PAXIP1: variants seen among roughly 807,000 people sequenced by gnomAD.
PAXIP1 encodes PAX-interacting protein 1.
Under a neutral mutation model 140.6 loss-of-function variants are expected in PAXIP1, and 19 were observed. The ratio of observed to expected loss-of-function variants is 0.14; its 90% CI spans 0.09 to 0.20. The LOEUF (loss-of-function observed/expected upper bound fraction) is 0.20, where lower values mean the gene tolerates loss of function less well. Ranked by LOEUF, PAXIP1 falls within the 10% of genes least tolerant of loss-of-function variation. The pLI is 1.00. For synonymous variants in PAXIP1, 442 were observed against 444.6 expected, an observed-to-expected ratio of 0.99 and a Z score of 0.07; for missense variants, 920 against 1,208.6, an observed-to-expected ratio of 0.76 and a Z score of 3.54.
rs1563379725 is a variant in PAXIP1 at position 154,977,889 on chromosome 7, T to TCGAACACAGACCA, written c.439-1559_439-1558insTGGTCTGTGTTCG. The stretch of plus-strand genomic sequence containing the variant: ...ATGTATACTTTTATGCTTTTGTTTT[T>TCGAACACAGACCA]AACTTTTTAATGTACATTTTCGAAC... On this transcript the variant is annotated intron_variant, in intron 5 of 20. Coordinates refer to ENST00000404141, the MANE Select transcript of PAXIP1 (RefSeq NM_007349.4). Among the ~76,000 whole-genome samples the TCGAACACAGACCA allele has an allele frequency of 2.6e-3, 357 of 138,728 alleles. 2 individuals are homozygous for TCGAACACAGACCA. The highest frequency in any genetic ancestry group is 0.011 in the African/African-American group (345 of 30,318). 91.0% of individuals were successfully genotyped at this position (138,728 alleles called of 152,430 possible). A position where few individuals can be genotyped will look rare whatever the true frequency, so the allele number is the denominator to read the frequency against.
At chr7:154,996,150 G>A (rs1810599065) in intron 2 of PAXIP1, among the ~76,000 whole-genome samples, 1 of 152,166 alleles carries the variant, frequency 6.6e-6, no homozygotes, top group East Asian at 1.9e-4. Flanking sequence ...ACTATTAGCA[G>A]CAGGATCCAA....
chr7:154,987,029 A>T (rs757188796), intron 4 of PAXIP1, among the ~76,000 whole-genome samples: 10 of 152,236 alleles, frequency 6.6e-5, no homozygotes, highest in Admixed American at 1.3e-4. Context: ...CAGAACACAC[A>T]ATCAAATGAC....
intron 15 of PAXIP1, 151 bp downstream of exon 15, chr7:154,955,378 A>C (rs1392967626): frequency 3.5e-6 from 2 of 576,796 alleles, no homozygotes; most frequent in African/African-American, 3.9e-5. Flanking sequence ...TTATTACTAT[A>C]AATACTACTA....
At chr7:154,978,771 A>T (rs1213568970) in intron 5 of PAXIP1, among the ~76,000 whole-genome samples, 10 of 152,250 alleles carry the variant, frequency 6.6e-5, no homozygotes, top group Admixed American at 5.2e-4. Context: ...ATATGAAAAA[A>T]AGTTATTTTT....
At chr7:154,950,677 C>T (rs761817422) in intron 16 of PAXIP1, 4 of 152,246 alleles carry the variant, frequency 2.6e-5, no homozygotes, top group African/African-American at 9.6e-5. Flanking sequence ...AAAACCTGTA[C>T]ATGGATGTTT....
rs545738048 is a variant in PAXIP1 at position 154,973,226 on chromosome 7, C to G, written c.1074+2470G>C. 7.2e-5 allele frequency among the ~76,000 whole-genome samples: 11 copies of G among 152,282 alleles called. No homozygotes were observed. The South Asian group carries it at 1.7e-3, about 23-fold the overall frequency. On this transcript the variant is annotated intron_variant, in intron 6 of 20. Coordinates refer to ENST00000404141, the MANE Select transcript of PAXIP1 (RefSeq NM_007349.4). This position sits in a 1 kb window ranked among gnomAD's most constrained non-coding sequence, Gnocchi z 4.0. ...CTCAGCCACACATTCCCAACCACCC[C>G]CAAGACCCATGGTCAGTGGCAGGCC...
At chr7:155,002,773 C>A in intron 1 of PAXIP1, 76 bp downstream of exon 1, 1 of 683,660 alleles carries the variant, frequency 1.5e-6, no homozygotes, top group Non-Finnish European at 1.9e-6. Flanking sequence ...GCGGCAGGAG[C>A]GGGGACGGGG....
At chr7:154,971,466 G>A (rs1033667723) in intron 6 of PAXIP1, among the ~76,000 whole-genome samples, 2 of 152,212 alleles carry the variant, frequency 1.3e-5, no homozygotes, top group East Asian at 3.8e-4. Flanking sequence ...AGGCCTGGAT[G>A]GAGAGGAGAA....
intron 3 of PAXIP1, 130 bp from the exon 4 acceptor site, chr7:154,991,199 G>A: frequency 1.8e-6 from 1 of 545,616 alleles, no homozygotes; most frequent in Non-Finnish European, 3.2e-6. Flanking sequence ...GATAGACAAA[G>A]AAGAGTACAG....
Position 154,968,522 on chromosome 7 carries a change from G to A in PAXIP1, c.1679C>T (p.Thr560Met), listed in dbSNP as rs938558453. Residue 560 changes from threonine (T) to methionine (M), a missense_variant, in exon 7 of 21, where the codon ACG becomes ATG. Transcript: ENST00000404141. ...QSQTAPHLSQ[T>M]SQALQHQVPP... The stretch of plus-strand genomic sequence containing the variant: ...AACCTGATGCTGCAGCGCCTGTGAC[G>A]TCTGACTCAAGTGTGGCGCTGTCTG... 7.0e-5 allele frequency: 56 copies of A among 803,208 alleles called. 1 individual carries two copies. In the East Asian group the frequency reaches 1.1e-3, roughly 16 times the overall value. The allele number at this position is 803,208 out of a possible 1,614,324, so 49.8% of individuals were successfully genotyped here. A position where few individuals can be genotyped will look rare whatever the true frequency, so the allele number is the denominator to read the frequency against.
At chr7:155,000,164 A>T (rs1411055451) in intron 1 of PAXIP1, 1 of 152,184 alleles carries the variant, frequency 6.6e-6, no homozygotes, top group Admixed American at 6.6e-5. Context: ...ACCTCAAAAA[A>T]AAATAAAGTC....
chr7:154,983,045 C>T (rs1809914834), intron 5 of PAXIP1, among the ~76,000 whole-genome samples, 174 bp downstream of exon 5: 2 of 152,100 alleles, frequency 1.3e-5, no homozygotes, highest in South Asian at 4.1e-4. Context: ...TTACAATTTA[C>T]AATCATCTCA....
At position 154,954,155 on chromosome 7, in the gene PAXIP1, G is replaced by A. The variant is rs1172927630; in HGVS notation, c.2821+100C>T. 1 of 853,336 alleles carries A rather than the reference G, an allele frequency of 1.2e-6. No homozygotes were observed. The highest frequency in any genetic ancestry group is 1.7e-5 in the African/African-American group (1 of 58,032). The allele number at this position is 853,336 out of a possible 1,614,324, so 52.9% of individuals were successfully genotyped here. Reference sequence around the variant, plus strand: ...AATTTAAATGAATAACTATCACATAGTTTAAAAATTAAATATTTGTTGGGA... The same window carrying A: ...AATTTAAATGAATAACTATCACATAATTTAAAAATTAAATATTTGTTGGGA... On this transcript the variant is annotated intron_variant, in intron 16 of 20. Coordinates refer to ENST00000404141, the MANE Select transcript of PAXIP1 (RefSeq NM_007349.4). The surrounding 1 kb of genome is among the most constrained non-coding windows in gnomAD (Gnocchi z 5.1).
At chr7:155,001,910 T>G (rs1810918982) in intron 1 of PAXIP1, 1 of 152,236 alleles carries the variant, frequency 6.6e-6, no homozygotes, top group South Asian at 2.1e-4. Context: ...CCATCCAAGT[T>G]CATCTGCGAA....
intron 8 of PAXIP1, chr7:154,967,599 AT>A: frequency 1.9e-6 from 1 of 519,690 alleles, no homozygotes; most frequent in Middle Eastern, 5.1e-4. Flanking sequence ...GCTGAAAAAA[AT>A]AAAAAGTCCA....
chr7:154,975,639 T>G, intron 6 of PAXIP1, 57 bp downstream of exon 6: 1 of 1,193,896 alleles, frequency 8.4e-7, no homozygotes, highest in Non-Finnish European at 1.2e-6. Context: ...TGAAATAGAC[T>G]GTGAAATCCA....
chr7:154,944,104 AG>A lies in PAXIP1; in HGVS notation c.*44del, dbSNP rs1563355870. The stretch of plus-strand genomic sequence containing the variant: ...GCAGCTCCTCGCCAGCCAGACAGCC[AG>A]CCCCGCACCGCAGGAGTCGACATGC... On this transcript the variant is annotated 3_prime_UTR_variant, in exon 21 of 21. Transcript: ENST00000404141. 6.2e-7 allele frequency: 1 copy of A among 1,606,950 alleles called. No individual in the cohort carries two copies. Among genetic ancestry groups the A allele is most frequent in the Non-Finnish European group, 8.5e-7 (1 of 1,174,748 alleles).
chr7:154,983,266 T>C lies in PAXIP1; in HGVS notation c.391A>G (p.Thr131Ala), dbSNP rs1325781490. 1.9e-6 allele frequency: 3 copies of C among 1,612,938 alleles called. No individual in the cohort carries two copies. Among genetic ancestry groups the C allele is most frequent in the South Asian group, 1.1e-5 (1 of 90,842 alleles). Residue 131 changes from threonine to alanine, a missense_variant, in exon 5 of 21, where the codon ACC becomes GCC. Thr to Ala is a moderately conservative substitution (Grantham distance 58). Around this residue, in one of 5 missense-constraint regions of PAXIP1, gnomAD observed 419 missense variants for 514.7 expected, o/e 0.81. Transcript: ENST00000404141. ...AAATGCGTGCATTTCTTATTGAGGG[T>C]TAGCTGGCAATCTCCCCCATAGAAC... is the stretch of plus-strand genomic sequence containing the variant. ...VTFYGGDCQL[T>A]LNKKCTHLIV...
chr7:154,999,109 C>T lies in PAXIP1; in HGVS notation c.82-325G>A, dbSNP rs552955243. Among the ~76,000 whole-genome samples, 19 of 152,292 alleles carry T rather than the reference C, an allele frequency of 1.2e-4. No homozygotes were observed. The South Asian group carries it at 1.9e-3, about 15-fold the overall frequency. On this transcript the variant is annotated intron_variant, in intron 1 of 20. Coordinates refer to ENST00000404141, the MANE Select transcript of PAXIP1 (RefSeq NM_007349.4). ...CACAACCACTGCTGCGGTGGGGCCACGCACATGGTGCTCCTGAGCTTCCAA... is the reference window on the plus strand; with the variant it reads ...CACAACCACTGCTGCGGTGGGGCCATGCACATGGTGCTCCTGAGCTTCCAA...
Sources: gnomAD v4.1 joint callset for allele counts (sites outside exome capture counted in the v4.1 genomes callset) on GRCh38, gnomAD v4.1.1 for gene constraint, gnomAD v4.1.1 regional missense constraint, Gnocchi (gnomAD v3.1) non-coding constraint, MANE v1.5 for transcripts, NCBI Gene and HGNC (gene_info 2026-07-23, HGNC 2026-07-21) for gene names.